Variants in PLD3 observed in about 807,000 individuals in gnomAD.
The protein encoded by PLD3 is phospholipase D family member 3.
Under a neutral mutation model 58.4 loss-of-function variants are expected in PLD3, and 31 were observed. That is an observed-to-expected ratio of 0.53 (90% CI 0.40 to 0.72). The LOEUF (loss-of-function observed/expected upper bound fraction) is 0.72, where lower values mean the gene tolerates loss of function less well. PLD3 is among the 30% of genes least tolerant of loss of function. PLD3 has a pLI of 0.00. For missense variants in PLD3, 595 were observed against 659.8 expected (o/e 0.90, Z 1.08); for synonymous variants, 264 against 273.4 (o/e 0.97, Z 0.34).
At chr19:40,354,857 A>T (rs2078614037) in intron 1 of PLD3, among the ~76,000 whole-genome samples, 1 of 147,370 alleles carries the variant, frequency 6.8e-6, no homozygotes, top group Non-Finnish European at 1.5e-5. Context: ...TGTTGTTTTG[A>T]GACTGAGTCT....
At position 40,371,809 on chromosome 19, in the gene PLD3, G is replaced by A. The variant is rs754433990; in HGVS notation, c.815G>A (p.Arg272His). 23 of 1,613,966 alleles carry A rather than the reference G, an allele frequency of 1.4e-5. No homozygotes were observed. Among genetic ancestry groups the A allele is most frequent in the East Asian group, 6.7e-5 (3 of 44,886 alleles). Residue 272 changes from arginine to histidine, a missense_variant, in exon 9 of 13, where the codon CGC becomes CAC. Arg to His is a conservative substitution (Grantham distance 29). Coordinates refer to ENST00000409735, the MANE Select transcript of PLD3 (RefSeq NM_012268.4). Reference protein sequence around the residue: ...PSTWPRFYDTRYNQETPMEIC... With the variant: ...PSTWPRFYDTHYNQETPMEIC... ...ACTTGGCCCCGGTTCTATGACACCC[G>A]CTACAACCAAGAGACACCAATGGAG...
Position 40,365,851 on chromosome 19 carries a change from G to GT in PLD3, c.-143dup, listed in dbSNP as rs1379252441. ...GGCCCCGCCCCCTCCTCCCACCCTCGTTCAGCCTGTCCAGACAGAAGCTGG... is the reference window on the plus strand; with the variant it reads ...GGCCCCGCCCCCTCCTCCCACCCTCGTTTCAGCCTGTCCAGACAGAAGCTGG... On this transcript the variant is annotated 5_prime_UTR_variant, in exon 2 of 13. Coordinates refer to ENST00000409735, the MANE Select transcript of PLD3 (RefSeq NM_012268.4). The GT allele has an allele frequency of 6.5e-6, 1 of 153,224 alleles. No individual in the cohort carries two copies. The highest frequency in any genetic ancestry group is 1.5e-5 in the Non-Finnish European group (1 of 68,680). 9.5% of individuals were successfully genotyped at this position (153,224 alleles called of 1,614,324 possible).
chr19:40,367,979 G>C, intron 6 of PLD3, 100 bp downstream of exon 6: 4 of 1,011,838 alleles, frequency 4.0e-6, no homozygotes, highest in African/African-American at 1.6e-5. Flanking sequence ...CCAGGAGACA[G>C]AGGGGTGTGT....
chr19:40,367,003 C>A (rs1429481757), intron 5 of PLD3, 88 bp downstream of exon 5: 6 of 1,432,484 alleles, frequency 4.2e-6, no homozygotes, highest in Non-Finnish European at 5.6e-6. Flanking sequence ...TGCACTCAGC[C>A]CTACCCAGCG....
intron 11 of PLD3, among the ~76,000 whole-genome samples, chr19:40,377,228 G>A (rs560990896): frequency 1.7e-3 from 192 of 112,258 alleles, no homozygotes; most frequent in Non-Finnish European, 2.9e-3. Context: ...GGGGTGGGGG[G>A]CACAGAGAGA....
chr19:40,367,917 G>A, intron 6 of PLD3, 38 bp downstream of exon 6: 1 of 1,498,724 alleles, frequency 6.7e-7, no homozygotes, highest in Non-Finnish European at 9.0e-7. Flanking sequence ...AGCAGGGGCA[G>A]GGGGTGGGAG....
chr19:40,360,922 G>A (rs574979158), intron 1 of PLD3, among the ~76,000 whole-genome samples: 44 of 152,264 alleles, frequency 2.9e-4, no homozygotes, highest in African/African-American at 4.1e-4. Context: ...TCACATGCAC[G>A]TAAGTTCCGG....
rs2078391689 is a variant in PLD3 at position 40,348,705 on chromosome 19, G to A, written c.-342G>A. ...GCGCGCGGCTAGGAGGGGCCGTCAG[G>A]CGGGGATACAGCCTGGAAGGTGCGT... On this transcript the variant is annotated 5_prime_UTR_variant, in exon 1 of 13. Transcript: ENST00000409735. 1 of 619,032 alleles carries A rather than the reference G, an allele frequency of 1.6e-6. No homozygotes were observed. Among genetic ancestry groups the A allele is most frequent in the African/African-American group, 2.0e-5 (1 of 51,074 alleles). 38.3% of individuals were successfully genotyped at this position (619,032 alleles called of 1,614,324 possible). A position where few individuals can be genotyped will look rare whatever the true frequency, so the allele number is the denominator to read the frequency against.
Position 40,370,038 on chromosome 19 carries a change from G to A in PLD3, c.550+10G>A, listed in dbSNP as rs1478327455. ...GCTCTGCTGCAGAGCGGTGAGCTGG[G>A]GCCCAACTGGGGCTGGTCTGGGCCT... On this transcript the variant is annotated intron_variant, in intron 7 of 12. Transcript: ENST00000409735. The A allele has an allele frequency of 6.4e-7, 1 of 1,566,234 alleles. No individual in the cohort carries two copies. The highest frequency in any genetic ancestry group is 1.9e-5 in the Admixed American group (1 of 52,564).
At chr19:40,376,887 C>A in intron 11 of PLD3, 113 bp downstream of exon 11, 1 of 1,051,894 alleles carries the variant, frequency 9.5e-7, no homozygotes, top group Non-Finnish European at 1.4e-6. Context: ...AGCCCTGTCA[C>A]TGTGGGGAAA....
intron 11 of PLD3, 81 bp from the exon 12 acceptor site, chr19:40,377,705 C>T: frequency 7.0e-6 from 7 of 998,308 alleles, no homozygotes; most frequent in Non-Finnish European, 9.4e-6. Context: ...AGATCTCGCT[C>T]CACACTCTGC....
intron 1 of PLD3, among the ~76,000 whole-genome samples, chr19:40,350,270 A>AC (rs956208217): frequency 7.9e-5 from 12 of 151,896 alleles, no homozygotes; most frequent in Non-Finnish European, 1.3e-4. Context: ...CAAAAAAAAA[A>AC]AAAAAAAAAA....
chr19:40,366,343 A>T (rs575870269), intron 2 of PLD3, 76 bp from the exon 3 acceptor site: 4 of 776,378 alleles, frequency 5.2e-6, no homozygotes, highest in African/African-American at 5.1e-5. Context: ...TAGCCCCAAG[A>T]CTAATCACTC....
chr19:40,378,348 CG>C lies in PLD3; in HGVS notation c.*178del. ...CCCCACCGGCCTGACGCTGTGGCCC[CG>C]GGACCCAGCAGAGCTGGGGGAGGGA... On this transcript the variant is annotated 3_prime_UTR_variant, in exon 13 of 13. Transcript: ENST00000409735. The C allele has an allele frequency of 5.5e-6, 4 of 722,874 alleles. No individual in the cohort carries two copies. Among genetic ancestry groups the C allele is most frequent in the Middle Eastern group, 2.5e-4 (1 of 3,998 alleles). 44.8% of individuals were successfully genotyped at this position (722,874 alleles called of 1,614,324 possible). A position where few individuals can be genotyped will look rare whatever the true frequency, so the allele number is the denominator to read the frequency against.
rs539386708 is a variant in PLD3, at chr19:40,352,434, T to C, written c.-279+3666T>C. ...TGATGAACAACAGGAGAGGCAGCTG[T>C]CATGTGGCATCTGTCCCTGGAAGCT... On this transcript the variant is annotated intron_variant, in intron 1 of 12. Transcript: ENST00000409735. Among the ~76,000 whole-genome samples, 32 of 152,170 alleles carry C rather than the reference T, an allele frequency of 2.1e-4. No individual in the cohort carries two copies. In the South Asian group the frequency reaches 5.8e-3, roughly 28 times the overall value.
At chr19:40,377,910 C>G in intron 12 of PLD3, 25 bp downstream of exon 12, 1 of 1,611,948 alleles carries the variant, frequency 6.2e-7, no homozygotes, top group Non-Finnish European at 8.5e-7. Flanking sequence ...CACCACGGGG[C>G]GCTGAAGAAG....
At chr19:40,353,270 AAAT>A (rs1267627584) in intron 1 of PLD3, among the ~76,000 whole-genome samples, 1 of 152,130 alleles carries the variant, frequency 6.6e-6, no homozygotes, top group Non-Finnish European at 1.5e-5. Context: ...TCTTTACAAA[AAAT>A]ACAAAAATTA....
rs999670728 is a variant in PLD3 at position 40,371,746 on chromosome 19, A to T, written c.752A>T (p.Tyr251Phe). Residue 251 changes from tyrosine to phenylalanine, a missense_variant, in exon 9 of 13, where the codon TAC (tyrosine) becomes TTC (phenylalanine). Physicochemically the swap from Tyr to Phe is conservative, Grantham distance 22. Transcript: ENST00000409735. ...ARDLTKIFEAYWFLGQAGSSI... is the reference protein window; with the variant it reads ...ARDLTKIFEAFWFLGQAGSSI... ...GACCTGACCAAGATCTTTGAGGCCTACTGGTTCCTGGGCCAGGCAGGCAGC... is the reference window on the plus strand; with the variant it reads ...GACCTGACCAAGATCTTTGAGGCCTTCTGGTTCCTGGGCCAGGCAGGCAGC... The T allele has an allele frequency of 1.2e-6, 2 of 1,613,900 alleles. No homozygotes were observed. Among genetic ancestry groups the T allele is most frequent in the Non-Finnish European group, 1.7e-6 (2 of 1,179,884 alleles).
intron 11 of PLD3, 102 bp from the exon 12 acceptor site, chr19:40,377,684 T>G: frequency 1.3e-6 from 1 of 799,898 alleles, no homozygotes; most frequent in Non-Finnish European, 2.1e-6. Context: ...TGGGAAGCAG[T>G]GGAGTCCCAC....
Sources: gnomAD v4.1 joint callset for allele counts (sites outside exome capture counted in the v4.1 genomes callset) on GRCh38, gnomAD v4.1.1 for gene constraint, MANE v1.5 for transcripts, NCBI Gene and HGNC (gene_info 2026-07-23, HGNC 2026-07-21) for gene names.